The following PCDH15 variants were observed in gnomAD, a reference collection of about 807,000 sequenced individuals.
The protein encoded by PCDH15 is protocadherin-15.
In PCDH15, 129 loss-of-function variants were observed where a neutral mutation model predicts 178.5. That is an observed-to-expected ratio of 0.72 (90% CI 0.63 to 0.84). The LOEUF (loss-of-function observed/expected upper bound fraction) is 0.84. Among genes scored for constraint, PCDH15 ranks in the 40% least tolerant of loss-of-function variants. The probability of loss-of-function intolerance (pLI) is 0.00; values close to 1 mark genes in which losing one functional copy is unlikely to be tolerated. For missense variants in PCDH15, 2,230 were observed against 2,099.9 expected, an observed-to-expected ratio of 1.06 and a Z score of -1.21; for synonymous variants, 800 against 732.0, an observed-to-expected ratio of 1.09 and a Z score of -1.50.
intron 2 of PCDH15, among the ~76,000 whole-genome samples, chr10:54,577,679 T>G (rs763791019): frequency 6.6e-6 from 1 of 152,064 alleles, no homozygotes; most frequent in Non-Finnish European, 1.5e-5. Flanking sequence ...TTACTGGTTA[T>G]GCCCCTTACA....
At chr10:55,291,438 A>G (rs1843004299) in intron 1 of PCDH15, among the ~76,000 whole-genome samples, 1 of 152,212 alleles carries the variant, frequency 6.6e-6, no homozygotes, top group South Asian at 2.1e-4. Flanking sequence ...TTTCAAGAAA[A>G]TACATTCTTA....
intron 2 of PCDH15, among the ~76,000 whole-genome samples, chr10:55,527,498 T>C (rs997630588): frequency 6.6e-6 from 1 of 152,054 alleles, no homozygotes; most frequent in Non-Finnish European, 1.5e-5. Flanking sequence ...TGACTTCATC[T>C]TAAGGAATTA....
intron 3 of PCDH15, among the ~76,000 whole-genome samples, chr10:54,403,104 A>T (rs188336543): frequency 6.6e-6 from 1 of 152,122 alleles, no homozygotes; most frequent in East Asian, 1.9e-4. Context: ...AAGCCAAAAA[A>T]CCTTATTGGT....
intron 1 of PCDH15, among the ~76,000 whole-genome samples, chr10:54,797,545 C>T (rs1407419678): frequency 6.8e-6 from 1 of 147,790 alleles, no homozygotes; most frequent in Non-Finnish European, 1.5e-5. Context: ...CACACACACA[C>T]ACACACGATC....
intron 14 of PCDH15, among the ~76,000 whole-genome samples, chr10:54,147,059 C>T (rs546169259): frequency 6.8e-6 from 1 of 146,528 alleles, no homozygotes; most frequent in South Asian, 2.1e-4. Context: ...TGTTCATAAT[C>T]TTTAAATATA....
intron 3 of PCDH15, among the ~76,000 whole-genome samples, chr10:54,458,907 C>A (rs1479537229): frequency 6.6e-6 from 1 of 152,088 alleles, no homozygotes; most frequent in Non-Finnish European, 1.5e-5. Context: ...ACAGCAGGTT[C>A]TTAAATAATG....
At chr10:54,464,410 C>T (rs1454601140) in intron 3 of PCDH15, among the ~76,000 whole-genome samples, 1 of 152,040 alleles carries the variant, frequency 6.6e-6, no homozygotes, top group Admixed American at 6.6e-5. Context: ...ACAAAACTTG[C>T]AAGAAGATAA....
intron 2 of PCDH15, among the ~76,000 whole-genome samples, chr10:55,369,445 A>T (rs2131987733): frequency 6.6e-6 from 1 of 152,176 alleles, no homozygotes; most frequent in East Asian, 1.9e-4. Flanking sequence ...GTATAAAAAC[A>T]AAAAAGTACC....
chr10:55,213,751 A>C (rs1840630170), intron 1 of PCDH15, among the ~76,000 whole-genome samples: 1 of 151,918 alleles, frequency 6.6e-6, no homozygotes, highest in Middle Eastern at 3.4e-3. Flanking sequence ...AAAAACTTTT[A>C]GTTTATTGAA....
Position 55,055,318 on chromosome 10 carries a change from T to C in PCDH15, c.-80+111258A>G, listed in dbSNP as rs147196919. On this transcript the variant is annotated intron_variant, in intron 2 of 5. Coordinates refer to the PCDH15 transcript ENST00000458638. ...AATTGGAGATGCATGTAAGAAGTAG[T>C]AACTCAGATACTCAACAAATGAGTA... is the stretch of plus-strand genomic sequence containing the variant. 1.3e-3 allele frequency among the ~76,000 whole-genome samples: 192 copies of C among 152,288 alleles called. 1 individual carries two copies. The highest frequency in any genetic ancestry group is 4.3e-3 in the African/African-American group (180 of 41,558).
intron 20 of PCDH15, among the ~76,000 whole-genome samples, chr10:53,995,979 G>T (rs529376136): frequency 3.9e-5 from 6 of 152,002 alleles, no homozygotes; most frequent in African/African-American, 1.4e-4. Flanking sequence ...ACTGAAGGCC[G>T]TTCCACTGGA....
chr10:54,222,246 C>T (rs900060599), intron 9 of PCDH15, among the ~76,000 whole-genome samples: 1 of 152,298 alleles, frequency 6.6e-6, no homozygotes, highest in Non-Finnish European at 1.5e-5. Flanking sequence ...GGGAACAAGT[C>T]TGTTAATTTT....
chr10:54,244,580 A>G (rs1201329903), intron 8 of PCDH15, among the ~76,000 whole-genome samples: 2 of 152,238 alleles, frequency 1.3e-5, no homozygotes, highest in African/African-American at 2.4e-5. Flanking sequence ...CGTTTTCCAC[A>G]TAACTCAAAC....
intron 2 of PCDH15, among the ~76,000 whole-genome samples, chr10:54,910,020 A>C (rs983479003): frequency 6.6e-6 from 1 of 152,070 alleles, no homozygotes; most frequent in African/African-American, 2.4e-5. Flanking sequence ...AGCGGGGAGC[A>C]AAGTTGAGGC....
At chr10:54,096,138 A>C (rs926224884) in intron 15 of PCDH15, among the ~76,000 whole-genome samples, 1 of 152,102 alleles carries the variant, frequency 6.6e-6, no homozygotes, top group East Asian at 1.9e-4. Context: ...TTCATATTCT[A>C]TGCCTTTTGA....
intron 3 of PCDH15, among the ~76,000 whole-genome samples, chr10:54,481,753 C>T (rs1312324644): frequency 6.6e-6 from 1 of 151,608 alleles, no homozygotes; most frequent in Non-Finnish European, 1.5e-5. Context: ...ATTAAAAACA[C>T]GATTTTAAGA....
intron 13 of PCDH15, among the ~76,000 whole-genome samples, chr10:54,169,678 C>G (rs376399426): frequency 2.0e-5 from 3 of 150,696 alleles, no homozygotes; most frequent in East Asian, 1.9e-4. Flanking sequence ...CCCTCCTTGG[C>G]GACCAATCAT....
intron 20 of PCDH15, 28 bp downstream of exon 20, chr10:54,020,164 G>A (rs760900633): frequency 3.1e-6 from 5 of 1,596,436 alleles, no homozygotes; most frequent in Non-Finnish European, 4.3e-6. Context: ...AGCAAAGCAG[G>A]CAACCAGAAG....
chr10:54,162,389 C>T (rs1006957098), intron 13 of PCDH15, among the ~76,000 whole-genome samples: 6 of 152,038 alleles, frequency 3.9e-5, no homozygotes, highest in Non-Finnish European at 8.8e-5. Context: ...AAAGCCAGAC[C>T]CATGGAAGAA....
Sources: gnomAD v4.1 joint callset for allele counts (sites outside exome capture counted in the v4.1 genomes callset) on GRCh38, gnomAD v4.1.1 for gene constraint, MANE v1.5 for transcripts, NCBI Gene and HGNC (gene_info 2026-07-23, HGNC 2026-07-21) for gene names.